The following BRD10 variants were observed in gnomAD, a reference collection of about 807,000 sequenced individuals.
BRD10 encodes the protein bromodomain containing 10, also known as uncharacterized bromodomain-containing protein 10.
chr9:5,935,420 C>G, the BRD10 span, among the ~76,000 whole-genome samples: 1 of 152,180 alleles, frequency 6.6e-6, no homozygotes, highest in Non-Finnish European at 1.5e-5. Flanking sequence ...GGTCACATTC[C>G]TGGTAAGGTA....
chr9:5,992,950 AATGTAC>A, the BRD10 span, among the ~76,000 whole-genome samples: 1 of 152,112 alleles, frequency 6.6e-6, no homozygotes, highest in Admixed American at 6.5e-5. Flanking sequence ...TATCAAAAAC[AATGTAC>A]ATGTGTCACC....
At chr9:5,900,195 A>G in the BRD10 span, among the ~76,000 whole-genome samples, 2 of 152,194 alleles carry the variant, frequency 1.3e-5, no homozygotes, top group African/African-American at 2.4e-5. Flanking sequence ...TTGAAAAATA[A>G]CAGAGAGTCT....
chr9:5,938,653 C>G, the BRD10 span, among the ~76,000 whole-genome samples: 2 of 151,942 alleles, frequency 1.3e-5, no homozygotes. Flanking sequence ...TGTAACTAAG[C>G]AGGTAAAAAG....
At chr9:5,968,643 T>G in the BRD10 span, 1 of 1,613,912 alleles carries the variant, frequency 6.2e-7, no homozygotes, top group East Asian at 2.2e-5. Context: ...GAGGGCAGGC[T>G]ATCTCTGCTA....
the BRD10 span, among the ~76,000 whole-genome samples, chr9:5,984,365 G>A: frequency 6.6e-6 from 1 of 152,106 alleles, no homozygotes. Flanking sequence ...CTGTCAAGTG[G>A]TACAGCATTA....
the BRD10 span, chr9:6,007,932 C>T: frequency 6.8e-6 from 9 of 1,332,146 alleles, no homozygotes; most frequent in African/African-American, 1.5e-5. Flanking sequence ...GCCGGCTCGG[C>T]TCGGTGCGCG....
At chr9:5,908,499 C>T in the BRD10 span, 5 of 734,446 alleles carry the variant, frequency 6.8e-6, no homozygotes, top group African/African-American at 7.1e-5. Flanking sequence ...AATTACTTCA[C>T]TGGGCAGAAA....
At chr9:5,959,674 C>T in the BRD10 span, among the ~76,000 whole-genome samples, 3 of 152,140 alleles carry the variant, frequency 2.0e-5, no homozygotes, top group Non-Finnish European at 4.4e-5. Flanking sequence ...AGTGCTATCA[C>T]TACAGAACTA....
the BRD10 span, chr9:5,924,885 T>C: frequency 1.5e-6 from 2 of 1,319,530 alleles, no homozygotes; most frequent in Admixed American, 2.7e-5. Context: ...ATACATATGA[T>C]TTAAATTCTT....
chr9:5,976,145 C>T, the BRD10 span, among the ~76,000 whole-genome samples: 1 of 152,058 alleles, frequency 6.6e-6, no homozygotes, highest in South Asian at 2.1e-4. Context: ...AAGACTGCTG[C>T]CTTTTAGTAG....
the BRD10 span, among the ~76,000 whole-genome samples, chr9:6,003,059 T>G: frequency 6.6e-6 from 1 of 151,928 alleles, no homozygotes; most frequent in Non-Finnish European, 1.5e-5. Flanking sequence ...CAAATAATCT[T>G]CAGCTATATT....
chr9:5,906,929 A>G, the BRD10 span: 3 of 1,597,082 alleles, frequency 1.9e-6, no homozygotes, highest in Non-Finnish European at 1.7e-6. Flanking sequence ...TAACAAGAAG[A>G]TGCCCACAAG....
At chr9:5,906,323 C>G in the BRD10 span, among the ~76,000 whole-genome samples, 8 of 121,846 alleles carry the variant, frequency 6.6e-5, no homozygotes, top group Non-Finnish European at 1.5e-4. Flanking sequence ...GAGTGAGACT[C>G]TGTCTCAAAA....
the BRD10 span, among the ~76,000 whole-genome samples, chr9:5,951,635 T>C: frequency 5.9e-5 from 9 of 152,312 alleles, no homozygotes; most frequent in East Asian, 3.9e-4. Flanking sequence ...GCTAGAACTT[T>C]TGGGCAGGGA....
chr9:5,917,106 TAC>T, the BRD10 span, among the ~76,000 whole-genome samples: 1 of 152,184 alleles, frequency 6.6e-6, no homozygotes, highest in East Asian at 1.9e-4. Flanking sequence ...ATACATTGAA[TAC>T]AGTGTGCCAG....
the BRD10 span, chr9:5,921,917 C>A: frequency 2.5e-6 from 4 of 1,613,808 alleles, no homozygotes; most frequent in African/African-American, 5.3e-5. Context: ...TGGGGCAAAG[C>A]TAGCTGGAAT....
the BRD10 span, among the ~76,000 whole-genome samples, chr9:5,916,005 C>G: frequency 6.6e-6 from 1 of 152,206 alleles, no homozygotes; most frequent in South Asian, 2.1e-4. Context: ...TTCACATTTT[C>G]TCTCCAGGTT....
At chr9:5,972,216 T>C in the BRD10 span, among the ~76,000 whole-genome samples, 23 of 152,262 alleles carry the variant, frequency 1.5e-4, no homozygotes, top group Admixed American at 1.4e-3. Flanking sequence ...AGAAAGAATC[T>C]GGCCCCAAGA....
At chr9:5,969,135 A>G in the BRD10 span, 1 of 1,613,872 alleles carries the variant, frequency 6.2e-7, no homozygotes, top group Non-Finnish European at 8.5e-7. Flanking sequence ...CAGGTCCTAT[A>G]AGGCAAAGTA....
Sources: allele counts gnomAD v4.1 joint callset (sites outside exome capture counted in the v4.1 genomes callset), GRCh38; gene constraint gnomAD v4.1.1; transcripts MANE v1.5; gene names NCBI Gene and HGNC (gene_info 2026-07-23, HGNC 2026-07-21).